Variants in PCDHA13 observed in about 807,000 individuals in gnomAD.
PCDHA13 encodes protocadherin alpha 13.
In PCDHA13, 54 loss-of-function variants were observed where a neutral mutation model predicts 64.8. The ratio of observed to expected loss-of-function variants is 0.83; its 90% CI spans 0.67 to 1.04. PCDHA13 has a LOEUF of 1.04. PCDHA13 is among the 50% of genes least tolerant of loss of function. The probability of loss-of-function intolerance (pLI) is 0.00; values close to 1 mark genes in which losing one functional copy is unlikely to be tolerated. For missense variants in PCDHA13, 1,248 were observed against 1,254.3 expected, an observed-to-expected ratio of 0.99 and a Z score of 0.08; for synonymous variants, 587 against 564.4, an observed-to-expected ratio of 1.04 and a Z score of -0.57.
intron 1 of PCDHA13, among the ~76,000 whole-genome samples, chr5:140,890,900 A>G (rs1554184581): frequency 6.6e-6 from 1 of 151,984 alleles, no homozygotes; most frequent in Admixed American, 6.6e-5. Flanking sequence ...TTGTCTTTCC[A>G]TGTTAGAATA....
intron 1 of PCDHA13, among the ~76,000 whole-genome samples, chr5:140,916,248 T>C (rs2077492943): frequency 6.6e-6 from 1 of 152,180 alleles, no homozygotes; most frequent in Admixed American, 6.5e-5. Flanking sequence ...AGCCTGGACT[T>C]GGGGACCCCA....
At chr5:140,990,668 G>A (rs1554251661) in intron 3 of PCDHA13, among the ~76,000 whole-genome samples, 1 of 152,178 alleles carries the variant, frequency 6.6e-6, no homozygotes, top group African/African-American at 2.4e-5. Flanking sequence ...TACATTAGAT[G>A]CACACCAAGC....
At chr5:140,946,237 A>C (rs540442862) in intron 1 of PCDHA13, among the ~76,000 whole-genome samples, 8 of 152,268 alleles carry the variant, frequency 5.3e-5, no homozygotes, top group African/African-American at 1.9e-4. Context: ...AAAAATGCTC[A>C]ACATCATGAA....
intron 1 of PCDHA13, among the ~76,000 whole-genome samples, chr5:140,918,591 A>G (rs1554198702): frequency 6.6e-6 from 1 of 152,238 alleles, no homozygotes; most frequent in African/African-American, 2.4e-5. Context: ...TATATGTTCT[A>G]TAGATGTTGC....
chr5:140,968,089 C>T lies in PCDHA13; in HGVS notation c.2395-10860C>T, dbSNP rs546330069. ...CTGTCTACAACATCACGGTGACAGC[C>T]ACAGATGGGGGAATACCGCAGCTCA... On this transcript the variant is annotated intron_variant, in intron 1 of 3. Transcript: ENST00000289272. 120 of 1,614,126 alleles carry T rather than the reference C, an allele frequency of 7.4e-5. 1 individual carries two copies. The South Asian group carries it at 1.2e-3, about 16-fold the overall frequency.
intron 1 of PCDHA13, among the ~76,000 whole-genome samples, chr5:140,970,269 A>G (rs1410341195): frequency 6.6e-6 from 1 of 152,184 alleles, no homozygotes; most frequent in East Asian, 1.9e-4. Flanking sequence ...TTTTGATGAG[A>G]TGTAAAGTAG....
intron 3 of PCDHA13, among the ~76,000 whole-genome samples, chr5:140,997,668 T>TTGTGTGTGTGTGTGTGTGTG (rs35184029): frequency 6.7e-6 from 1 of 148,244 alleles, no homozygotes; most frequent in African/African-American, 2.5e-5. Context: ...ATTATACAGC[T>TTGTGTGTGTGTGTGTGTGTG]TGTGTGTGTG....
chr5:140,964,472 T>A (rs1160731930), intron 1 of PCDHA13, among the ~76,000 whole-genome samples: 1 of 152,074 alleles, frequency 6.6e-6, no homozygotes, highest in Non-Finnish European at 1.5e-5. Context: ...GTGCCTATGA[T>A]TTTTTCACAG....
At chr5:140,931,440 AT>A (rs2153608083) in intron 1 of PCDHA13, among the ~76,000 whole-genome samples, 1 of 141,482 alleles carries the variant, frequency 7.1e-6, no homozygotes, top group South Asian at 2.3e-4. Flanking sequence ...AAAATTAGCT[AT>A]TTAAAAGGAA....
chr5:140,941,191 T>TTTTTTTC lies in PCDHA13; in HGVS notation c.2395-37755_2395-37754insTTTCTTT, dbSNP rs1554213809. ...CATCTTGAACATCCTGCTTCTTTTT[T>TTTTTTTC]TTTCTTTCTTCCTTTCTTTCTTCCT... is the stretch of plus-strand genomic sequence containing the variant. On this transcript the variant is annotated intron_variant, in intron 1 of 3. Coordinates refer to ENST00000289272, the MANE Select transcript of PCDHA13 (RefSeq NM_018904.3). Among the ~76,000 whole-genome samples, 30 of 93,254 alleles carry TTTTTTTC rather than the reference T, an allele frequency of 3.2e-4. 1 individual carries two copies. Among genetic ancestry groups the TTTTTTTC allele is most frequent in the Admixed American group, 1.8e-3 (15 of 8,146 alleles). The allele number at this position is 93,254 out of a possible 152,430, so 61.2% of individuals were successfully genotyped here.
intron 1 of PCDHA13, chr5:140,927,351 G>A (rs782202644): frequency 1.4e-5 from 23 of 1,614,054 alleles, no homozygotes; most frequent in Non-Finnish European, 1.9e-5. Flanking sequence ...ATGACGACGA[G>A]GGAAGCAATG....
chr5:140,968,257 T>A (rs781932747), intron 1 of PCDHA13: 1 of 1,614,064 alleles, frequency 6.2e-7, no homozygotes, highest in Non-Finnish European at 8.5e-7. Flanking sequence ...CAGACCCAGA[T>A]GAAAAGGAGA....
rs186453463 is a variant in PCDHA13 at position 140,951,770 on chromosome 5, C to T, written c.2395-27179C>T. On this transcript the variant is annotated intron_variant, in intron 1 of 3. Transcript: ENST00000289272. ...ACCCTCCGCGAAATCTCATGACGTT[C>T]TTACATTGCAAAATACAATTATCCC... 1.6e-3 allele frequency among the ~76,000 whole-genome samples: 247 copies of T among 152,268 alleles called. 1 individual carries two copies. The highest frequency in any genetic ancestry group is 5.5e-3 in the African/African-American group (229 of 41,576).
chr5:140,888,533 T>C (rs2061866119), intron 1 of PCDHA13, among the ~76,000 whole-genome samples: 1 of 152,228 alleles, frequency 6.6e-6, no homozygotes, highest in South Asian at 2.1e-4. Flanking sequence ...TGAAGTTAAG[T>C]TGCTCAGTAC....
chr5:140,903,823 G>A (rs1303323584), intron 1 of PCDHA13, among the ~76,000 whole-genome samples: 1 of 152,048 alleles, frequency 6.6e-6, no homozygotes, highest in Non-Finnish European at 1.5e-5. Flanking sequence ...TCACATGAAT[G>A]TCTGTTGGTA....
At chr5:140,936,007 C>G (rs1338541274) in intron 1 of PCDHA13, among the ~76,000 whole-genome samples, 3 of 151,820 alleles carry the variant, frequency 2.0e-5, no homozygotes, top group African/African-American at 7.3e-5. Flanking sequence ...ATTCTCCCAC[C>G]TCAGCCTCCC....
At chr5:140,984,464 C>T (rs890686701) in intron 3 of PCDHA13, among the ~76,000 whole-genome samples, 1 of 152,184 alleles carries the variant, frequency 6.6e-6, no homozygotes, top group Non-Finnish European at 1.5e-5. Context: ...GTCCCAGCCC[C>T]TCTTGTATAA....
chr5:140,968,657 G>T (rs782383428), intron 1 of PCDHA13: 16 of 1,614,142 alleles, frequency 9.9e-6, no homozygotes, highest in Non-Finnish European at 1.4e-5. Flanking sequence ...TTCTGACCTG[G>T]ACCTCTTTAA....
chr5:140,919,505 CTA>C (rs2079156587), intron 1 of PCDHA13, among the ~76,000 whole-genome samples: 3 of 152,008 alleles, frequency 2.0e-5, no homozygotes, highest in Admixed American at 6.6e-5. Context: ...ACTCCTTTTT[CTA>C]TATGTTTTAA....
Sources: allele counts gnomAD v4.1 joint callset (sites outside exome capture counted in the v4.1 genomes callset), GRCh38; gene constraint gnomAD v4.1.1; transcripts MANE v1.5; gene names NCBI Gene and HGNC (gene_info 2026-07-23, HGNC 2026-07-21).